PTS: variants seen among roughly 807,000 people sequenced by gnomAD.
PTS encodes the protein 6-pyruvoyltetrahydropterin synthase, also known as 6-pyruvoyl tetrahydrobiopterin synthase.
PTS carries 23 observed loss-of-function variants against 20.6 expected under a neutral mutation model. The observed-to-expected ratio is 1.12, with a 90% CI of 0.80 to 1.58. The LOEUF is 1.58. Among genes scored for constraint, PTS ranks in the 40% most tolerant of loss-of-function variants. PTS has a pLI of 0.00. For missense variants in PTS, 186 were observed against 182.4 expected (o/e 1.02, Z -0.11); for synonymous variants, 65 against 62.5 (o/e 1.04, Z -0.19).
intron 5 of PTS, 65 bp downstream of exon 5, chr11:112,233,298 T>A (rs1272514343): frequency 2.6e-5 from 41 of 1,563,058 alleles, no homozygotes; most frequent in Non-Finnish European, 3.6e-5. Context: ...ATACTTTGAT[T>A]GTTGTGTGAT....
intron 4 of PTS, among the ~76,000 whole-genome samples, chr11:112,231,958 AAGAG>A (rs1012277407): frequency 6.6e-6 from 1 of 151,180 alleles, no homozygotes; most frequent in African/African-American, 2.5e-5. Flanking sequence ...GAAAAAGAAA[AAGAG>A]AAAAGAAAAG....
chr11:112,233,415 G>GTT lies in PTS; in HGVS notation c.315-9_315-8dup. ...TGCATTTTGAATTTTTTTTGTTTTT[G>GTT]TTTTTTTTTCTTATAGCACGACTGA... is the stretch of plus-strand genomic sequence containing the variant. On this transcript the variant is annotated splice_polypyrimidine_tract_variant and intron_variant, in intron 5 of 5. Coordinates refer to ENST00000280362, the MANE Select transcript of PTS (RefSeq NM_000317.3). The GTT allele has an allele frequency of 6.4e-7, 1 of 1,560,272 alleles. No homozygotes were observed. Among genetic ancestry groups the GTT allele is most frequent in the Non-Finnish European group, 8.7e-7 (1 of 1,150,692 alleles).
intron 1 of PTS, among the ~76,000 whole-genome samples, chr11:112,227,361 A>G (rs753835881): frequency 1.2e-4 from 19 of 152,038 alleles, no homozygotes; most frequent in Non-Finnish European, 2.1e-4. Flanking sequence ...AATCTGGCCT[A>G]TTTTGTGGAG....
intron 3 of PTS, 186 bp from the exon 4 acceptor site, chr11:112,230,440 T>C (rs1029618993): frequency 3.8e-6 from 3 of 792,758 alleles, no homozygotes; most frequent in Non-Finnish European, 6.6e-6. Flanking sequence ...GTAGAAGGGC[T>C]ATACAATGAA....
chr11:112,232,116 GGCATGTAGA>G (rs1414016665), intron 4 of PTS, among the ~76,000 whole-genome samples: 1 of 152,118 alleles, frequency 6.6e-6, no homozygotes, highest in Non-Finnish European at 1.5e-5. Context: ...GGCTTATCAT[GGCATGTAGA>G]GTAAAGTTAG....
intron 4 of PTS, 64 bp downstream of exon 4, chr11:112,230,746 T>C: frequency 7.4e-7 from 1 of 1,358,448 alleles, no homozygotes; most frequent in Non-Finnish European, 1.1e-6. Context: ...TGGCCCCCTA[T>C]CTACCTCCCC....
chr11:112,229,205 TA>T (rs886889352), intron 2 of PTS: 7 of 154,666 alleles, frequency 4.5e-5, no homozygotes, highest in African/African-American at 9.7e-5. Flanking sequence ...TGTGGTGGCA[TA>T]AAAAAAAACA....
At chr11:112,226,674 T>C (rs1455883564) in intron 1 of PTS, 148 bp downstream of exon 1, 6 of 493,958 alleles carry the variant, frequency 1.2e-5, no homozygotes, top group Non-Finnish European at 2.0e-5. Flanking sequence ...TTCGTGGGGC[T>C]TCGGACGGCC....
At chr11:112,230,100 CT>C in intron 2 of PTS, 107 bp from the exon 3 acceptor site, 1 of 1,064,032 alleles carries the variant, frequency 9.4e-7, no homozygotes, top group Non-Finnish European at 1.5e-6. Context: ...GGGGACAGAT[CT>C]AATAATTTAT....
At position 112,228,590 on chromosome 11, in the gene PTS, TCA is replaced by T; in HGVS notation, c.84-3_84-2del. The T allele has an allele frequency of 6.3e-7, 1 of 1,578,046 alleles. No homozygotes were observed. The highest frequency in any genetic ancestry group is 8.6e-7 in the Non-Finnish European group (1 of 1,165,364). On this transcript the variant is annotated splice_acceptor_variant and splice_polypyrimidine_tract_variant and intron_variant, in intron 1 of 5. Transcript: ENST00000280362. LOFTEE classifies it high-confidence loss of function. ...TGCTGACTTTTTTTTTTTTTTTTGG[TCA>T]GTAAATTTCTAAGTGATGAAGAAAA...
intron 2 of PTS, 108 bp downstream of exon 2, chr11:112,228,781 T>G: frequency 1.0e-6 from 1 of 994,464 alleles, no homozygotes; most frequent in Non-Finnish European, 1.5e-6. Flanking sequence ...GTGAATGCTT[T>G]GAGCCTTGAA....
intron 1 of PTS, among the ~76,000 whole-genome samples, chr11:112,227,497 T>G (rs1311205128): frequency 2.0e-5 from 3 of 152,098 alleles, no homozygotes; most frequent in Non-Finnish European, 4.4e-5. Context: ...AGACTGGTAT[T>G]TTATAAAGAA....
At chr11:112,230,526 G>T in intron 3 of PTS, 100 bp from the exon 4 acceptor site, 1 of 1,090,580 alleles carries the variant, frequency 9.2e-7, no homozygotes, top group Non-Finnish European at 1.4e-6. Context: ...ATGTGCAAAT[G>T]TGGGCACAGT....
chr11:112,233,721 C>A lies in PTS; in HGVS notation c.*166C>A, dbSNP rs1592882274. 1 of 901,864 alleles carries A rather than the reference C, an allele frequency of 1.1e-6. No individual in the cohort carries two copies. Among genetic ancestry groups the A allele is most frequent in the East Asian group, 3.1e-5 (1 of 32,004 alleles). The allele number at this position is 901,864 out of a possible 1,614,324, so 55.9% of individuals were successfully genotyped here. On this transcript the variant is annotated 3_prime_UTR_variant, in exon 6 of 6. Transcript: ENST00000280362. ...TGTAAGACCTGTTATAAATTTAAGT[C>A]TATTTAAAACTAAACTTGTAATATA...
chr11:112,230,278 C>CT, intron 3 of PTS, 48 bp downstream of exon 3: 1 of 1,586,204 alleles, frequency 6.3e-7, no homozygotes, highest in Non-Finnish European at 8.7e-7. Context: ...GCTGGGCTCT[C>CT]TTTCAGCCAG....
chr11:112,231,783 A>G (rs1250243944), intron 4 of PTS, among the ~76,000 whole-genome samples: 1 of 151,538 alleles, frequency 6.6e-6, no homozygotes, highest in Non-Finnish European at 1.5e-5. Flanking sequence ...GAATGAAGAA[A>G]CAGCACTATG....
chr11:112,229,937 T>C (rs1566815740), intron 2 of PTS, among the ~76,000 whole-genome samples: 1 of 152,182 alleles, frequency 6.6e-6, no homozygotes. Flanking sequence ...ATAAGCAGAA[T>C]TTACACCCTT....
chr11:112,228,731 A>G, intron 2 of PTS, 58 bp downstream of exon 2: 1 of 1,454,262 alleles, frequency 6.9e-7, no homozygotes, highest in South Asian at 1.2e-5. Context: ...AGTATTCAGC[A>G]AATGTAGACA....
intron 2 of PTS, 45 bp downstream of exon 2, chr11:112,228,718 A>G (rs763794863): frequency 1.3e-6 from 2 of 1,522,260 alleles, no homozygotes; most frequent in Non-Finnish European, 1.8e-6. Context: ...ATAAGGATGA[A>G]AGAGTATTCA....
Sources: gnomAD v4.1 joint callset for allele counts (sites outside exome capture counted in the v4.1 genomes callset) on GRCh38, gnomAD v4.1.1 for gene constraint, MANE v1.5 for transcripts, NCBI Gene and HGNC (gene_info 2026-07-23, HGNC 2026-07-21) for gene names.